The following CTNNA2 variants were observed in gnomAD, a reference collection of about 807,000 sequenced individuals.
CTNNA2 encodes the protein catenin alpha 2, also known as catenin alpha-2.
CTNNA2 carries 42 observed loss-of-function variants against 101.0 expected under a neutral mutation model. The observed-to-expected ratio is 0.42, with a 90% CI of 0.32 to 0.54. The LOEUF (loss-of-function observed/expected upper bound fraction) is 0.54. Among genes scored for constraint, CTNNA2 ranks in the 20% least tolerant of loss-of-function variants. CTNNA2 has a pLI of 0.14. For missense variants in CTNNA2, 871 were observed against 1,223.1 expected, an observed-to-expected ratio of 0.71 and a Z score of 4.29; for synonymous variants, 450 against 456.4, an observed-to-expected ratio of 0.99 and a Z score of 0.18.
chr2:79,937,508 C>T (rs753814696), intron 7 of CTNNA2, among the ~76,000 whole-genome samples: 27 of 152,286 alleles, frequency 1.8e-4, no homozygotes, highest in Admixed American at 1.2e-3. Context: ...TTTCATATTT[C>T]TCTAAATTTT....
intron 3 of CTNNA2, among the ~76,000 whole-genome samples, chr2:79,821,530 G>T (rs931701677): frequency 2.6e-5 from 4 of 152,076 alleles, no homozygotes; most frequent in African/African-American, 7.2e-5. Context: ...GATGCTAAAC[G>T]CACTACCAAA....
At chr2:79,466,901 G>A (rs989800577) in intron 4 of CTNNA2, among the ~76,000 whole-genome samples, 2 of 152,076 alleles carry the variant, frequency 1.3e-5, no homozygotes, top group Admixed American at 1.3e-4. Flanking sequence ...AAGGACCAAA[G>A]GTAGATAAAA....
chr2:79,792,771 G>C (rs956889238), intron 3 of CTNNA2, among the ~76,000 whole-genome samples: 13 of 152,128 alleles, frequency 8.5e-5, no homozygotes, highest in African/African-American at 3.1e-4. Context: ...CAGAGATGAG[G>C]ATACTCATGA....
At chr2:79,960,852 G>A (rs192938187) in intron 7 of CTNNA2, among the ~76,000 whole-genome samples, 22 of 152,214 alleles carry the variant, frequency 1.4e-4, no homozygotes, top group African/African-American at 5.3e-4. Context: ...TCGTTTCTCT[G>A]GCCCGTGAGG....
chr2:79,650,759 T>C (rs1681182607), intron 1 of CTNNA2, among the ~76,000 whole-genome samples: 3 of 150,618 alleles, frequency 2.0e-5, no homozygotes, highest in Admixed American at 2.0e-4. Flanking sequence ...TAGCATTAGG[T>C]GTATCTCCCA....
intron 3 of CTNNA2, among the ~76,000 whole-genome samples, chr2:79,814,739 G>A (rs1329188599): frequency 6.6e-6 from 1 of 151,964 alleles, no homozygotes; most frequent in Admixed American, 6.6e-5. Flanking sequence ...CTATAAACAT[G>A]CATGTGCGAG....
chr2:80,162,884 C>T (rs751024575), intron 7 of CTNNA2: 78 of 1,589,536 alleles, frequency 4.9e-5, no homozygotes, highest in Non-Finnish European at 6.5e-5. Flanking sequence ...TCATGTTATC[C>T]CTAGTCCTTT....
intron 3 of CTNNA2, among the ~76,000 whole-genome samples, chr2:79,798,054 C>T (rs1460736765): frequency 1.3e-5 from 2 of 152,034 alleles, no homozygotes; most frequent in African/African-American, 4.8e-5. Flanking sequence ...AAGCATAGTC[C>T]CAAGACCTGC....
chr2:79,334,819 G>T (rs1189935081), intron 3 of CTNNA2, among the ~76,000 whole-genome samples: 2 of 152,054 alleles, frequency 1.3e-5, no homozygotes, highest in African/African-American at 4.8e-5. Flanking sequence ...GAAGTGAAAA[G>T]CACTTTCTAT....
chr2:80,089,592 C>CA lies in CTNNA2; in HGVS notation c.1056+179803dup, dbSNP rs577526199. Among the ~76,000 whole-genome samples, 120 of 151,118 alleles carry CA rather than the reference C, an allele frequency of 7.9e-4. 1 individual carries two copies. Among genetic ancestry groups the CA allele is most frequent in the South Asian group, 2.3e-3 (11 of 4,786 alleles). On this transcript the variant is annotated intron_variant, in intron 7 of 18. Transcript: ENST00000402739. Reference sequence around the variant, plus strand: ...GTGAAATAAAAGAAACAACAAAATGCAAAAAAAATTAGTAAAATTAGATTA... The same window carrying CA: ...GTGAAATAAAAGAAACAACAAAATGCAAAAAAAAATTAGTAAAATTAGATTA...
intron 7 of CTNNA2, among the ~76,000 whole-genome samples, chr2:80,110,276 T>G (rs1321311047): frequency 6.6e-6 from 1 of 152,220 alleles, no homozygotes; most frequent in African/African-American, 2.4e-5. Flanking sequence ...TTCCAGAAAC[T>G]GGGCTGGGCA....
At chr2:79,970,613 G>A (rs576220249) in intron 7 of CTNNA2, among the ~76,000 whole-genome samples, 1 of 152,204 alleles carries the variant, frequency 6.6e-6, no homozygotes, top group East Asian at 1.9e-4. Context: ...TCTATGTTAA[G>A]TATATTAGCA....
At chr2:79,633,272 C>CA (rs1300255542) in intron 1 of CTNNA2, among the ~76,000 whole-genome samples, 1 of 152,166 alleles carries the variant, frequency 6.6e-6, no homozygotes, top group Admixed American at 6.5e-5. Flanking sequence ...CCCTCATAGT[C>CA]ACAGATAGAT....
At chr2:80,623,656 A>G (rs534428850) in intron 18 of CTNNA2, among the ~76,000 whole-genome samples, 5 of 152,016 alleles carry the variant, frequency 3.3e-5, no homozygotes, top group Non-Finnish European at 5.9e-5. Context: ...GGAGACTACT[A>G]AAATGCACGA....
chr2:79,634,793 A>C (rs1323198332), intron 1 of CTNNA2: 1 of 152,318 alleles, frequency 6.6e-6, no homozygotes, highest in Non-Finnish European at 1.5e-5. Flanking sequence ...AAAGTCTTAG[A>C]GGAATGGGAG....
chr2:80,295,135 A>G (rs1675628435), intron 7 of CTNNA2, among the ~76,000 whole-genome samples: 1 of 149,072 alleles, frequency 6.7e-6, no homozygotes, highest in African/African-American at 2.5e-5. Context: ...CTCCCATCCC[A>G]TACCCCATTT....
At chr2:79,292,406 C>T (rs1675846604) in intron 2 of CTNNA2, among the ~76,000 whole-genome samples, 1 of 152,152 alleles carries the variant, frequency 6.6e-6, no homozygotes, top group Non-Finnish European at 1.5e-5. Context: ...CTTTAACTGG[C>T]TGATTTTCTT....
At chr2:79,507,642 G>A (rs1008647531) in intron 5 of CTNNA2, among the ~76,000 whole-genome samples, 2 of 152,070 alleles carry the variant, frequency 1.3e-5, no homozygotes, top group African/African-American at 4.8e-5. Flanking sequence ...CTAAGAAGAG[G>A]ATCAGACATT....
intron 2 of CTNNA2, among the ~76,000 whole-genome samples, chr2:79,311,167 T>C (rs1055590962): frequency 2.6e-5 from 4 of 152,186 alleles, no homozygotes; most frequent in Admixed American, 1.3e-4. Flanking sequence ...CCCAGCACTT[T>C]GGGAGGCCGA....
Sources: gnomAD v4.1 joint callset for allele counts (sites outside exome capture counted in the v4.1 genomes callset) on GRCh38, gnomAD v4.1.1 for gene constraint, MANE v1.5 for transcripts, NCBI Gene and HGNC (gene_info 2026-07-23, HGNC 2026-07-21) for gene names.